Variants in C12orf42 observed in about 807,000 individuals in gnomAD.
C12orf42 encodes the protein chromosome 12 open reading frame 42.
A neutral mutation model predicts 21.6 loss-of-function variants in C12orf42; 25 were observed. That is an observed-to-expected ratio of 1.16 (90% CI 0.84 to 1.62). The LOEUF (loss-of-function observed/expected upper bound fraction) is 1.62, where lower values mean the gene tolerates loss of function less well. Among genes scored for constraint, C12orf42 ranks in the 40% most tolerant of loss-of-function variants. The probability of loss-of-function intolerance (pLI) is 0.00; values close to 1 mark genes in which losing one functional copy is unlikely to be tolerated. For missense variants in C12orf42, 483 were observed against 459.3 expected (o/e 1.05, Z -0.47); for synonymous variants, 174 against 175.0 (o/e 0.99, Z 0.05).
chr12:103,151,447 T>C, the C12orf42 span, among the ~76,000 whole-genome samples: 1 of 152,160 alleles, frequency 6.6e-6, no homozygotes, highest in South Asian at 2.1e-4. Context: ...AAATTACAGA[T>C]CAATATATTT....
the C12orf42 span, among the ~76,000 whole-genome samples, chr12:103,229,853 A>AACTTGT: frequency 6.6e-6 from 1 of 152,272 alleles, no homozygotes; most frequent in Non-Finnish European, 1.5e-5. Flanking sequence ...AGCAATAAAT[A>AACTTGT]GTATTTTATT....
chr12:103,085,002 G>A, the C12orf42 span, among the ~76,000 whole-genome samples: 4 of 152,188 alleles, frequency 2.6e-5, no homozygotes, highest in African/African-American at 9.7e-5. Flanking sequence ...ATCTCCAGGA[G>A]AACTGGGTAA....
chr12:103,359,429 T>C (rs1440594116), intron 4 of C12orf42, among the ~76,000 whole-genome samples: 9 of 152,106 alleles, frequency 5.9e-5, no homozygotes, highest in Admixed American at 5.9e-4. Flanking sequence ...GTTCTTCAGC[T>C]GACAAATAAA....
chr12:103,126,059 G>A, the C12orf42 span, among the ~76,000 whole-genome samples: 3 of 152,190 alleles, frequency 2.0e-5, no homozygotes, highest in Non-Finnish European at 1.5e-5. Flanking sequence ...TGGTATTCCT[G>A]CGCTGCCTTC....
chr12:103,451,981 G>A (rs186188607), intron 2 of C12orf42, among the ~76,000 whole-genome samples: 4 of 151,946 alleles, frequency 2.6e-5, no homozygotes, highest in South Asian at 2.1e-4. Context: ...ACCCTAAAAC[G>A]CAATGACTTA....
the C12orf42 span, among the ~76,000 whole-genome samples, chr12:103,232,039 C>A: frequency 1.3e-5 from 2 of 152,034 alleles, no homozygotes; most frequent in South Asian, 2.1e-4. Flanking sequence ...TTGTTTTAAT[C>A]TGAATTTCTC....
chr12:103,275,828 A>C (rs1336963079), intron 5 of C12orf42, among the ~76,000 whole-genome samples: 1 of 151,462 alleles, frequency 6.6e-6, no homozygotes, highest in Non-Finnish European at 1.5e-5. Flanking sequence ...AGTGGGTCAC[A>C]CCTGTAATCC....
chr12:103,274,882 G>C (rs1383512227), intron 5 of C12orf42, among the ~76,000 whole-genome samples: 1 of 151,934 alleles, frequency 6.6e-6, no homozygotes, highest in Non-Finnish European at 1.5e-5. Context: ...TTTAGTTTTC[G>C]AGCTCCTAAC....
chr12:103,248,054 A>G (rs894143790), intron 10 of C12orf42, among the ~76,000 whole-genome samples: 5 of 152,064 alleles, frequency 3.3e-5, no homozygotes, highest in African/African-American at 1.2e-4. Context: ...AAATCACTTC[A>G]GCTCAGGTCT....
chr12:103,189,085 C>T, the C12orf42 span, among the ~76,000 whole-genome samples: 5 of 152,088 alleles, frequency 3.3e-5, no homozygotes, highest in South Asian at 2.1e-4. Context: ...ACAAAAGAAA[C>T]GACTCCTAAT....
intron 4 of C12orf42, among the ~76,000 whole-genome samples, chr12:103,361,459 C>T (rs966216905): frequency 3.9e-5 from 6 of 152,042 alleles, no homozygotes; most frequent in Non-Finnish European, 8.8e-5. Flanking sequence ...TGGGAAAAGA[C>T]CACAGGGAGA....
chr12:103,235,685 T>C (rs1300403678), downstream of C12orf42, among the ~76,000 whole-genome samples: 1 of 152,174 alleles, frequency 6.6e-6, no homozygotes, highest in Non-Finnish European at 1.5e-5. Flanking sequence ...TCTGATAGTG[T>C]TGAAATGAGC....
the C12orf42 span, among the ~76,000 whole-genome samples, chr12:103,153,639 CAA>C: frequency 1.3e-5 from 2 of 151,778 alleles, no homozygotes; most frequent in Non-Finnish European, 2.9e-5. Flanking sequence ...CTAGGATGAC[CAA>C]AATAAAAAAG....
the C12orf42 span, among the ~76,000 whole-genome samples, chr12:103,534,854 T>C: frequency 6.6e-6 from 1 of 152,196 alleles, no homozygotes; most frequent in African/African-American, 2.4e-5. Context: ...TTGTTTACTG[T>C]TCAGTATGAT....
At chr12:103,139,297 T>C in the C12orf42 span, among the ~76,000 whole-genome samples, 2 of 152,232 alleles carry the variant, frequency 1.3e-5, no homozygotes, top group Non-Finnish European at 2.9e-5. Context: ...AGATGTCATA[T>C]AAATTCCTTT....
the C12orf42 span, among the ~76,000 whole-genome samples, chr12:103,084,415 T>A: frequency 2.6e-5 from 4 of 152,154 alleles, no homozygotes; most frequent in African/African-American, 9.7e-5. Context: ...ATACTTTAAG[T>A]TCTGGGGTAC....
At chr12:103,325,129 T>C (rs1479864784) in intron 4 of C12orf42, among the ~76,000 whole-genome samples, 1 of 152,214 alleles carries the variant, frequency 6.6e-6, no homozygotes, top group Non-Finnish European at 1.5e-5. Context: ...AAGACAAATA[T>C]GCATGAAAAT....
chr12:103,182,209 C>T, the C12orf42 span, among the ~76,000 whole-genome samples: 54,121 of 151,936 alleles, frequency 0.36, 10,417 homozygotes, highest in South Asian at 0.44. Context: ...ACTATGTGTG[C>T]TTTTATTAGC....
chr12:103,412,635 A>G (rs764658085), intron 2 of C12orf42, among the ~76,000 whole-genome samples: 1 of 152,184 alleles, frequency 6.6e-6, no homozygotes, highest in Non-Finnish European at 1.5e-5. Context: ...TGCAAACCTA[A>G]ATTGCAGTAA....
Sources: gnomAD v4.1 joint callset for allele counts (sites outside exome capture counted in the v4.1 genomes callset) on GRCh38, gnomAD v4.1.1 for gene constraint, MANE v1.5 for transcripts, NCBI Gene and HGNC (gene_info 2026-07-23, HGNC 2026-07-21) for gene names.